Variants in XIRP2 observed in about 807,000 individuals in gnomAD.
The protein encoded by XIRP2 is xin actin-binding repeat-containing protein 2.
In XIRP2, 236 loss-of-function variants were observed where a neutral mutation model predicts 277.0. The ratio of observed to expected loss-of-function variants is 0.85; its 90% CI spans 0.77 to 0.95. The LOEUF is 0.95. XIRP2 is among the 40% of genes least tolerant of loss of function. The probability of loss-of-function intolerance (pLI) is 0.00; values close to 1 mark genes in which losing one functional copy is unlikely to be tolerated. For synonymous variants in XIRP2, 1,490 were observed against 1,416.5 expected, an observed-to-expected ratio of 1.05 and a Z score of -1.17; for missense variants, 4,640 against 4,157.5, an observed-to-expected ratio of 1.12 and a Z score of -3.19.
chr2:167,254,710 C>A (rs1695611355), intron 10 of XIRP2, among the ~76,000 whole-genome samples: 1 of 151,928 alleles, frequency 6.6e-6, no homozygotes, highest in African/African-American at 2.4e-5. Context: ...TTGAGCTAGA[C>A]TAAGTTTTTA....
rs1169775108 is a variant in XIRP2, at chr2:167,245,868, G to A, written c.4476G>A (p.Trp1492Ter). ...AAGGTGATGTTAAGCAGGCTGTGTG[G>A]CTTTTTGAAAATCGAACTTTCGATT... is the stretch of plus-strand genomic sequence containing the variant. ...VQKGDVKQAV[W>*]LFENRTFDSI... The change falls in exon 9 of 11, where the codon TGG becomes TGA. Residue 1492 changes from tryptophan to a stop codon, truncating the protein, a stop_gained. Transcript: ENST00000409195. LOFTEE classifies it high-confidence loss of function. 7.4e-6 allele frequency: 12 copies of A among 1,613,582 alleles called. No individual in the cohort carries two copies. Among genetic ancestry groups the A allele is most frequent in the African/African-American group, 1.3e-5 (1 of 74,868 alleles).
At chr2:167,206,779 T>C (rs1400601972) in intron 3 of XIRP2, among the ~76,000 whole-genome samples, 1 of 152,236 alleles carries the variant, frequency 6.6e-6, no homozygotes, top group Non-Finnish European at 1.5e-5. Context: ...TGTTACACCG[T>C]CATCCTTTCC....
chr2:167,044,971 G>A (rs1385253448), intron 2 of XIRP2, among the ~76,000 whole-genome samples: 1 of 151,418 alleles, frequency 6.6e-6, no homozygotes, highest in Non-Finnish European at 1.5e-5. Flanking sequence ...AAAAGCCAGA[G>A]GCATCACAAT....
Position 167,244,556 on chromosome 2 carries a change from C to A in XIRP2, c.3164C>A (p.Ala1055Asp), listed in dbSNP as rs767647705. 4 of 1,612,340 alleles carry A rather than the reference C, an allele frequency of 2.5e-6. No individual in the cohort carries two copies. The highest frequency in any genetic ancestry group is 1.1e-5 in the South Asian group (1 of 90,760). The change falls in exon 9 of 11, where the codon GCC becomes GAC. Residue 1055 changes from alanine to aspartate, a missense_variant. By Grantham distance (126) the Ala-to-Asp change is moderately radical. Transcript: ENST00000409195. ...QEIQTGNVKS[A>D]KWLFETQPLD... ...ATACAGACTGGAAATGTGAAATCTG[C>A]CAAATGGTTGTTTGAAACCCAACCT...
At chr2:167,034,976 C>T (rs1483559866) in intron 2 of XIRP2, among the ~76,000 whole-genome samples, 2 of 152,130 alleles carry the variant, frequency 1.3e-5, no homozygotes, top group Admixed American at 1.3e-4. Flanking sequence ...TCATGAGATC[C>T]GATGGGTTTA....
intron 2 of XIRP2, among the ~76,000 whole-genome samples, chr2:166,938,555 G>T (rs1192365386): frequency 6.6e-6 from 1 of 152,190 alleles, no homozygotes; most frequent in Non-Finnish European, 1.5e-5. Context: ...ATGGTGCTGA[G>T]AAGAATGTAT....
chr2:166,947,850 C>T (rs1429965604), intron 2 of XIRP2, among the ~76,000 whole-genome samples: 1 of 152,002 alleles, frequency 6.6e-6, no homozygotes, highest in Non-Finnish European at 1.5e-5. Context: ...AACTTGGAGG[C>T]AGTAAATATG....
intron 3 of XIRP2, chr2:167,184,396 G>T (rs10497320): frequency 6.7e-6 from 4 of 596,054 alleles, no homozygotes; most frequent in Non-Finnish European, 1.2e-5. Flanking sequence ...TTGGCCTTAC[G>T]ATTGTATCCT....
chr2:167,248,822 C>A lies in XIRP2; in HGVS notation c.7430C>A (p.Thr2477Lys), dbSNP rs779029966. 1 of 1,613,522 alleles carries A rather than the reference C, an allele frequency of 6.2e-7. No individual in the cohort carries two copies. The highest frequency in any genetic ancestry group is 8.5e-7 in the Non-Finnish European group (1 of 1,179,710). ...MVMTSSEHTETKQNVISKSLD... is the reference protein window; with the variant it reads ...MVMTSSEHTEKKQNVISKSLD... ...ATGACCAGCAGTGAACACACGGAGACAAAGCAGAACGTTATTAGTAAGAGT... is the reference window on the plus strand; with the variant it reads ...ATGACCAGCAGTGAACACACGGAGAAAAAGCAGAACGTTATTAGTAAGAGT... The change falls in exon 9 of 11, where the codon ACA (threonine) becomes AAA (lysine). Residue 2477 changes from threonine (T) to lysine (K), a missense_variant. Coordinates refer to ENST00000409195, the MANE Select transcript of XIRP2 (RefSeq NM_152381.6).
chr2:167,029,222 T>A (rs1688257802), intron 2 of XIRP2, among the ~76,000 whole-genome samples: 1 of 152,068 alleles, frequency 6.6e-6, no homozygotes, highest in Non-Finnish European at 1.5e-5. Context: ...CTGATTGCCC[T>A]GGCCAGAAAT....
At chr2:167,189,788 T>C (rs761753696) in intron 3 of XIRP2, among the ~76,000 whole-genome samples, 1 of 152,202 alleles carries the variant, frequency 6.6e-6, no homozygotes, top group Non-Finnish European at 1.5e-5. Context: ...ACCAACTGGC[T>C]GTCCTACAGT....
chr2:167,239,918 C>T lies in XIRP2; in HGVS notation c.922C>T (p.Gln308Ter). Reference protein sequence around the residue: ...RSSQEMARNEQEGSKVQKIDV... With the variant: ...RSSQEMARNE ...CAGCCAGGAAATGGCAAGAAATGAA[C>T]AAGAAGGGTCCAAAGTACAGAAAAT... Residue 308 changes from glutamine (Q) to a stop codon, truncating the protein, a stop_gained, in exon 6 of 11, where the codon CAA becomes TAA. Coordinates refer to ENST00000409195, the MANE Select transcript of XIRP2 (RefSeq NM_152381.6). LOFTEE classifies it high-confidence loss of function. 1 of 1,607,136 alleles carries T rather than the reference C, an allele frequency of 6.2e-7. No individual in the cohort carries two copies. Among genetic ancestry groups the T allele is most frequent in the Non-Finnish European group, 8.5e-7 (1 of 1,178,040 alleles).
At chr2:166,976,863 C>G (rs938709175) in intron 2 of XIRP2, among the ~76,000 whole-genome samples, 6 of 152,164 alleles carry the variant, frequency 3.9e-5, no homozygotes, top group Non-Finnish European at 7.4e-5. Context: ...TATCATTTCC[C>G]TCATGTAACA....
At chr2:166,898,439 G>A (rs1240104537) in intron 1 of XIRP2, among the ~76,000 whole-genome samples, 1 of 151,942 alleles carries the variant, frequency 6.6e-6, no homozygotes, top group Non-Finnish European at 1.5e-5. Context: ...TCCTACAATT[G>A]GAGTAAAACT....
At chr2:167,112,147 G>T (rs893591908) in intron 2 of XIRP2, among the ~76,000 whole-genome samples, 4 of 150,914 alleles carry the variant, frequency 2.7e-5, no homozygotes, top group Non-Finnish European at 5.9e-5. Flanking sequence ...ATAGTTTTTT[G>T]TGTCTCAGTT....
In XIRP2 at chr2:167,214,709, G is replaced by A. The variant is rs986896351; in HGVS notation, c.724-3457G>A. ...AGCCTCCCAAATAGCTGGAATTACA[G>A]GCATGTGCCACCATGCCCGGCTAAT... On this transcript the variant is annotated intron_variant, in intron 4 of 10. Transcript: ENST00000409195. 3.3e-5 allele frequency among the ~76,000 whole-genome samples: 5 copies of A among 151,886 alleles called. No individual in the cohort carries two copies. In the South Asian group the frequency reaches 8.3e-4, roughly 25 times the overall value.
intron 2 of XIRP2, among the ~76,000 whole-genome samples, chr2:167,054,868 G>T (rs931529426): frequency 4.8e-4 from 73 of 152,120 alleles, no homozygotes; most frequent in African/African-American, 1.7e-3. Flanking sequence ...ATATTTGAAT[G>T]TATCTTTCCC....
At position 167,244,124 on chromosome 2, in the gene XIRP2, A is replaced by G; in HGVS notation, c.2732A>G (p.His911Arg). The change falls in exon 9 of 11, where the codon CAT becomes CGT. Residue 911 changes from histidine to arginine, a missense_variant. Transcript: ENST00000409195. ...ASEEEKGDVR[H>R]QKWIFETQPL... is the part of the protein sequence containing the mutation. ...GAAGAAGAAAAAGGGGATGTTAGGC[A>G]TCAAAAATGGATTTTTGAAACCCAA... is the stretch of plus-strand genomic sequence containing the variant. 1 of 1,614,064 alleles carries G rather than the reference A, an allele frequency of 6.2e-7. No homozygotes were observed. Among genetic ancestry groups the G allele is most frequent in the Non-Finnish European group, 8.5e-7 (1 of 1,179,954 alleles).
At chr2:167,079,881 G>A (rs1689681067) in intron 2 of XIRP2, among the ~76,000 whole-genome samples, 1 of 151,274 alleles carries the variant, frequency 6.6e-6, no homozygotes. Flanking sequence ...GCTAGCTTTG[G>A]GATTAGTTTG....
Sources: gnomAD v4.1 joint callset for allele counts (sites outside exome capture counted in the v4.1 genomes callset) on GRCh38, gnomAD v4.1.1 for gene constraint, MANE v1.5 for transcripts, NCBI Gene and HGNC (gene_info 2026-07-23, HGNC 2026-07-21) for gene names.